The following CCDC170 variants were observed in gnomAD, a reference collection of about 807,000 sequenced individuals.
CCDC170 encodes coiled-coil domain containing 170, also known as coiled-coil domain-containing protein 170.
A neutral mutation model predicts 72.6 loss-of-function variants in CCDC170; 69 were observed. The ratio of observed to expected loss-of-function variants is 0.95; its 90% CI spans 0.78 to 1.16. CCDC170 has a LOEUF of 1.16. Among genes scored for constraint, CCDC170 ranks in the 50% most tolerant of loss-of-function variants. CCDC170 has a pLI of 0.00. For missense variants in CCDC170, 852 were observed against 832.5 expected (o/e 1.02, Z -0.29); for synonymous variants, 300 against 303.9 (o/e 0.99, Z 0.13).
intron 1 of CCDC170, among the ~76,000 whole-genome samples, chr6:151,520,770 A>T (rs1782303662): frequency 6.6e-6 from 1 of 152,158 alleles, no homozygotes. Flanking sequence ...CCAGCTAGGA[A>T]CTGACTCAGC....
chr6:151,614,994 G>A (rs923638416), intron 9 of CCDC170, among the ~76,000 whole-genome samples: 1 of 152,156 alleles, frequency 6.6e-6, no homozygotes, highest in Non-Finnish European at 1.5e-5. Context: ...GTGAAGACTT[G>A]CTGAGGTGGA....
intron 7 of CCDC170, among the ~76,000 whole-genome samples, chr6:151,591,071 A>G (rs944098939): frequency 6.6e-6 from 1 of 152,222 alleles, no homozygotes; most frequent in African/African-American, 2.4e-5. Flanking sequence ...AATTGTATTC[A>G]TATGTATGCT....
At chr6:151,581,024 A>G (rs1776372365) in intron 6 of CCDC170, among the ~76,000 whole-genome samples, 1 of 152,212 alleles carries the variant, frequency 6.6e-6, no homozygotes, top group Admixed American at 6.5e-5. Context: ...CAATCATCTT[A>G]GCCTTCAGCA....
At chr6:151,516,066 GAA>G (rs1325647534) in intron 1 of CCDC170, among the ~76,000 whole-genome samples, 1 of 120,518 alleles carries the variant, frequency 8.3e-6, no homozygotes, top group Admixed American at 8.5e-5. Flanking sequence ...TTCTGTCTCA[GAA>G]AAAAAAAAAA....
intron 8 of CCDC170, among the ~76,000 whole-genome samples, chr6:151,596,068 A>G (rs2115118657): frequency 6.6e-6 from 1 of 152,284 alleles, no homozygotes; most frequent in Admixed American, 6.5e-5. Context: ...ATGATGATGC[A>G]CATAATGTTA....
chr6:151,565,188 G>T (rs1410874599), intron 5 of CCDC170, among the ~76,000 whole-genome samples: 1 of 152,216 alleles, frequency 6.6e-6, no homozygotes, highest in African/African-American at 2.4e-5. Flanking sequence ...CTCCTGGGAT[G>T]TGGAGATGCA....
At chr6:151,565,265 G>T (rs143965562) in intron 5 of CCDC170, among the ~76,000 whole-genome samples, 1 of 152,338 alleles carries the variant, frequency 6.6e-6, no homozygotes, top group East Asian at 1.9e-4. Flanking sequence ...GCATCTTGCT[G>T]TAGCTGCCTA....
At chr6:151,523,030 C>T (rs1291319198) in intron 1 of CCDC170, among the ~76,000 whole-genome samples, 1 of 152,112 alleles carries the variant, frequency 6.6e-6, no homozygotes, top group African/African-American at 2.4e-5. Flanking sequence ...GGACCGCTTT[C>T]CAGTTACAGT....
At chr6:151,570,853 G>A (rs1173769797) in intron 5 of CCDC170, among the ~76,000 whole-genome samples, 2 of 152,190 alleles carry the variant, frequency 1.3e-5, no homozygotes, top group Non-Finnish European at 2.9e-5. Flanking sequence ...CATTTAATTA[G>A]CAGCAACAGT....
At chr6:151,552,779 C>CTTTTTT (rs71014597) in intron 5 of CCDC170, among the ~76,000 whole-genome samples, 1 of 56,706 alleles carries the variant, frequency 1.8e-5, no homozygotes, top group African/African-American at 6.7e-5. Context: ...TCAGCCAATT[C>CTTTTTT]TTTTTTTTTT....
intron 5 of CCDC170, among the ~76,000 whole-genome samples, chr6:151,569,140 A>C (rs1776183220): frequency 6.6e-6 from 1 of 152,184 alleles, no homozygotes; most frequent in Non-Finnish European, 1.5e-5. Context: ...TTTATTTTAT[A>C]AAATTGATCT....
intron 9 of CCDC170, 110 bp downstream of exon 9, chr6:151,596,687 C>T (rs112776643): frequency 0.07 from 100,737 of 1,442,188 alleles, 3,885 homozygotes; most frequent in African/African-American, 0.12. Flanking sequence ...AGATGAAAGC[C>T]TCCTCTGATT....
intron 6 of CCDC170, among the ~76,000 whole-genome samples, chr6:151,581,246 C>G (rs557322774): frequency 6.6e-6 from 1 of 152,294 alleles, no homozygotes; most frequent in Non-Finnish European, 1.5e-5. Context: ...AGCAGAACTT[C>G]TTTCTAAATT....
chr6:151,497,706 T>C (rs1781929389), intron 1 of CCDC170, among the ~76,000 whole-genome samples: 2 of 151,888 alleles, frequency 1.3e-5, no homozygotes, highest in South Asian at 4.2e-4. Flanking sequence ...CTGGGTGCGG[T>C]GGCTCATGCT....
rs1244171072 is a variant in CCDC170, at chr6:151,536,449, A to G, written c.186+3A>G. ...AATTTGAATGTGCTCAGTCTGAGGT[A>G]AGATAATGCATTTCCAGCACTCAGA... On this transcript the variant is annotated splice_donor_region_variant and intron_variant, in intron 2 of 10. Transcript: ENST00000239374. The G allele has an allele frequency of 6.2e-7, 1 of 1,613,898 alleles. No homozygotes were observed.
At chr6:151,607,132 T>C (rs1285201219) in intron 9 of CCDC170, among the ~76,000 whole-genome samples, 1 of 152,180 alleles carries the variant, frequency 6.6e-6, no homozygotes, top group Non-Finnish European at 1.5e-5. Flanking sequence ...ATTGCCATTT[T>C]GTTGTTTGTT....
chr6:151,516,482 G>T (rs1472166292), intron 1 of CCDC170, among the ~76,000 whole-genome samples: 1 of 152,134 alleles, frequency 6.6e-6, no homozygotes, highest in Non-Finnish European at 1.5e-5. Context: ...CAGGTTCTTT[G>T]CTTTACCATG....
intron 6 of CCDC170, among the ~76,000 whole-genome samples, chr6:151,576,949 A>G (rs938273747): frequency 3.3e-5 from 5 of 151,898 alleles, no homozygotes; most frequent in Admixed American, 6.6e-5. Flanking sequence ...TGCTTCCCGA[A>G]CGTTGCTTGT....
rs1777015484 is a variant in CCDC170, at chr6:151,618,997, T to C, written c.*850T>C. On this transcript the variant is annotated 3_prime_UTR_variant, in exon 11 of 11. Transcript: ENST00000239374. ...GCCTGGGCGACAGAGTGAAACTACA[T>C]CTCAGAAAAAAAAAAAAAAAAAAAA... is the stretch of plus-strand genomic sequence containing the variant. 1.6e-5 allele frequency: 1 copy of C among 61,990 alleles called. No homozygotes were observed. Among genetic ancestry groups the C allele is most frequent in the Admixed American group, 3.1e-4 (1 of 3,206 alleles). 3.8% of individuals were successfully genotyped at this position (61,990 alleles called of 1,614,324 possible).
Sources: gnomAD v4.1 joint callset for allele counts (sites outside exome capture counted in the v4.1 genomes callset) on GRCh38, gnomAD v4.1.1 for gene constraint, MANE v1.5 for transcripts, NCBI Gene and HGNC (gene_info 2026-07-23, HGNC 2026-07-21) for gene names.